FMR1NB: variants seen among roughly 807,000 people sequenced by gnomAD.
FMR1NB encodes the protein FMR1 neighbor.
In FMR1NB, 10 loss-of-function variants were observed where a neutral mutation model predicts 16.8. The observed-to-expected ratio is 0.60, with a 90% CI of 0.37 to 1.01. The LOEUF (loss-of-function observed/expected upper bound fraction) is 1.01. FMR1NB is among the 50% of genes least tolerant of loss of function. The pLI is 0.01. For synonymous variants in FMR1NB, 83 were observed against 79.1 expected (o/e 1.05, Z -0.26); for missense variants, 205 against 204.8 (o/e 1.00, Z 0.00).
At chrX:148,021,507 C>A (rs976207269) in intron 4 of FMR1NB, among the ~76,000 whole-genome samples, 1 of 108,291 alleles carries the variant, frequency 9.2e-6, no homozygotes, top group Non-Finnish European at 1.9e-5. Context: ...GCTCTGTCCT[C>A]AGGCCATTTC....
intron 4 of FMR1NB, among the ~76,000 whole-genome samples, chrX:148,015,043 T>A (rs1259563071): frequency 1.8e-5 from 2 of 111,727 alleles, no homozygotes; most frequent in African/African-American, 6.5e-5. Context: ...TCTTCCTGGT[T>A]CAATTTAGTT....
chrX:147,992,507 C>CA (rs1557187782), intron 1 of FMR1NB, among the ~76,000 whole-genome samples: 1 of 4,687 alleles, frequency 2.1e-4, no homozygotes, highest in Non-Finnish European at 3.1e-4. Context: ...GCTGGCCGGG[C>CA]GGGGGGCTGA....
At chrX:147,984,656 T>C (rs941263872) in intron 1 of FMR1NB, among the ~76,000 whole-genome samples, 22 of 111,865 alleles carry the variant, frequency 2.0e-4, no homozygotes, top group African/African-American at 6.8e-4. Context: ...TATCTGTAAA[T>C]AGAGAGAGTT....
chrX:147,984,469 G>C, intron 1 of FMR1NB, among the ~76,000 whole-genome samples: 1 of 111,778 alleles, frequency 8.9e-6, no homozygotes, highest in Non-Finnish European at 1.9e-5. Context: ...TTATTCTTTT[G>C]TATGCTATTG....
intron 1 of FMR1NB, among the ~76,000 whole-genome samples, chrX:148,002,686 G>A (rs1190978693): frequency 8.9e-6 from 1 of 112,017 alleles, no homozygotes; most frequent in Non-Finnish European, 1.9e-5. Context: ...TAATGCTATG[G>A]ACAAATCTGT....
intron 4 of FMR1NB, among the ~76,000 whole-genome samples, chrX:148,014,356 T>C (rs949684402): frequency 8.9e-6 from 1 of 112,130 alleles, no homozygotes; most frequent in Non-Finnish European, 1.9e-5. Context: ...ACTCTCCCTC[T>C]AATCCATCCT....
intron 1 of FMR1NB, among the ~76,000 whole-genome samples, chrX:147,991,388 G>T (rs2044503664): frequency 9.1e-6 from 1 of 109,331 alleles, no homozygotes; most frequent in Non-Finnish European, 1.9e-5. Context: ...TCCTCACAAA[G>T]GTATACCCTC....
At chrX:148,019,050 A>G (rs1162663089) in intron 4 of FMR1NB, among the ~76,000 whole-genome samples, 1 of 112,042 alleles carries the variant, frequency 8.9e-6, no homozygotes, top group African/African-American at 3.2e-5. Context: ...TATTTTCTAG[A>G]TGTTGTAGGC....
intron 1 of FMR1NB, among the ~76,000 whole-genome samples, chrX:147,997,209 A>G (rs1317285559): frequency 1.8e-5 from 2 of 111,921 alleles, no homozygotes; most frequent in Non-Finnish European, 3.8e-5. Context: ...TTCAAACTAT[A>G]CTACAAGGCT....
chrX:148,013,888 CTT>C (rs1236193495), intron 4 of FMR1NB, among the ~76,000 whole-genome samples: 5 of 111,784 alleles, frequency 4.5e-5, no homozygotes, highest in African/African-American at 1.6e-4. Flanking sequence ...ACCTTAGAGT[CTT>C]TGGTGACTAT....
intron 4 of FMR1NB, among the ~76,000 whole-genome samples, chrX:148,010,853 C>G (rs1374066589): frequency 9.0e-6 from 1 of 111,026 alleles, no homozygotes; most frequent in Non-Finnish European, 1.9e-5. Context: ...CTGAGAATTC[C>G]TTTAAGAAAG....
rs193172382 is a variant in FMR1NB at position 148,015,658 on chromosome X, T to C, written c.632+6947T>C. 1.0e-3 allele frequency among the ~76,000 whole-genome samples: 118 copies of C among 112,601 alleles called. 1 individual carries two copies. Among genetic ancestry groups the C allele is most frequent in the Non-Finnish European group, 1.9e-3 (103 of 53,334 alleles). Reference sequence around the variant, plus strand: ...TCCTTTTGTTATTGATTTCTAGTTTTATTCCATTTTGGTGAGAGAAGATGC... The same window carrying C: ...TCCTTTTGTTATTGATTTCTAGTTTCATTCCATTTTGGTGAGAGAAGATGC... On this transcript the variant is annotated intron_variant, in intron 4 of 5. Transcript: ENST00000370467.
chrX:148,025,281 C>G (rs1306987256), intron 5 of FMR1NB, among the ~76,000 whole-genome samples: 1 of 111,220 alleles, frequency 9.0e-6, no homozygotes, highest in Non-Finnish European at 1.9e-5. Context: ...GAAGTTGATC[C>G]TGCCCACTCT....
chrX:148,001,333 AAT>A (rs1472969916), intron 1 of FMR1NB, among the ~76,000 whole-genome samples: 4 of 112,359 alleles, frequency 3.6e-5, no homozygotes, highest in Non-Finnish European at 5.6e-5. Context: ...ATGATTTTTG[AAT>A]GAATGATAAA....
At chrX:147,982,838 G>A (rs933312056) in intron 1 of FMR1NB, among the ~76,000 whole-genome samples, 10 of 111,347 alleles carry the variant, frequency 9.0e-5, no homozygotes, top group Non-Finnish European at 9.4e-5. Flanking sequence ...AGCTTGCAGT[G>A]AGCCAAGATC....
intron 1 of FMR1NB, among the ~76,000 whole-genome samples, chrX:147,996,705 G>T (rs955837494): frequency 1.8e-5 from 2 of 112,018 alleles, no homozygotes; most frequent in Admixed American, 1.9e-4. Context: ...AGCTCCCCAA[G>T]TGTGGGGCCC....
chrX:148,006,696 T>C lies in FMR1NB; in HGVS notation c.398-6T>C. ...ATTCTCTTTCTTAAATTTCTGTTTTTAAAAGCTTGCAATCTGAGGGAAAAT... is the reference window on the plus strand; with the variant it reads ...ATTCTCTTTCTTAAATTTCTGTTTTCAAAAGCTTGCAATCTGAGGGAAAAT... On this transcript the variant is annotated splice_region_variant and splice_polypyrimidine_tract_variant and intron_variant, in intron 2 of 5. Transcript: ENST00000370467. 1 of 1,193,522 alleles carries C rather than the reference T, an allele frequency of 8.4e-7. No homozygotes were observed. Among genetic ancestry groups the C allele is most frequent in the Non-Finnish European group, 1.1e-6 (1 of 888,835 alleles).
chrX:148,017,683 T>TC (rs1303558269), intron 4 of FMR1NB, among the ~76,000 whole-genome samples: 2 of 58,194 alleles, frequency 3.4e-5, no homozygotes, highest in Non-Finnish European at 6.2e-5. Flanking sequence ...ATGCTATCCC[T>TC]CCCCCCTCCC....
intron 2 of FMR1NB, among the ~76,000 whole-genome samples, 153 bp from the exon 3 acceptor site, chrX:148,006,549 T>A (rs782565611): frequency 1.8e-5 from 2 of 112,729 alleles, no homozygotes; most frequent in East Asian, 5.6e-4. Context: ...TGGTAACTTT[T>A]AGCTTAAGTC....
Sources: gnomAD v4.1 joint callset for allele counts (sites outside exome capture counted in the v4.1 genomes callset) on GRCh38, gnomAD v4.1.1 for gene constraint, MANE v1.5 for transcripts, NCBI Gene and HGNC (gene_info 2026-07-23, HGNC 2026-07-21) for gene names.